Variants in FAM133B observed in about 807,000 individuals in gnomAD.
The protein encoded by FAM133B is protein FAM133B.
FAM133B carries 25 observed loss-of-function variants against 46.4 expected under a neutral mutation model. The observed-to-expected ratio is 0.54, with a 90% CI of 0.39 to 0.75. FAM133B has a LOEUF of 0.75. Among genes scored for constraint, FAM133B ranks in the 30% least tolerant of loss-of-function variants. The pLI is 0.00. For synonymous variants in FAM133B, 75 were observed against 86.0 expected (o/e 0.87, Z 0.71); for missense variants, 205 against 277.6 (o/e 0.74, Z 1.86).
chr7:92,570,234 T>C (rs17687688), intron 8 of FAM133B, among the ~76,000 whole-genome samples: 3,779 of 152,228 alleles, frequency 0.025, 68 homozygotes, highest in Non-Finnish European at 0.041. Flanking sequence ...CTAATTCTTT[T>C]GTTTCTACCC....
chr7:92,572,587 C>T (rs1040382795), intron 8 of FAM133B, among the ~76,000 whole-genome samples: 1 of 152,090 alleles, frequency 6.6e-6, no homozygotes, highest in Non-Finnish European at 1.5e-5. Flanking sequence ...GGCGTGGTGG[C>T]GCATGCCTGT....
chr7:92,567,919 A>G (rs1320853976), intron 9 of FAM133B, among the ~76,000 whole-genome samples: 1 of 151,608 alleles, frequency 6.6e-6, no homozygotes, highest in Non-Finnish European at 1.5e-5. Context: ...CTGTGCCACC[A>G]TGTCTGGCTA....
intron 1 of FAM133B, among the ~76,000 whole-genome samples, chr7:92,585,835 A>T (rs1011172217): frequency 3.9e-5 from 6 of 152,240 alleles, no homozygotes; most frequent in African/African-American, 1.4e-4. Flanking sequence ...CTGCGTAAAC[A>T]TTATTATAGT....
At chr7:92,582,227 C>T (rs1794900866) in intron 1 of FAM133B, among the ~76,000 whole-genome samples, 2 of 148,420 alleles carry the variant, frequency 1.3e-5, no homozygotes, top group Admixed American at 6.7e-5. Context: ...CCAGCCTGGG[C>T]GACAGAGCGA....
intron 9 of FAM133B, among the ~76,000 whole-genome samples, chr7:92,569,047 C>T (rs1297246557): frequency 6.6e-6 from 1 of 152,078 alleles, no homozygotes; most frequent in Non-Finnish European, 1.5e-5. Context: ...TAGAGCTGGG[C>T]AGGACTGATA....
At chr7:92,566,564 C>A (rs931520725) in intron 9 of FAM133B, among the ~76,000 whole-genome samples, 1 of 152,200 alleles carries the variant, frequency 6.6e-6, no homozygotes, top group African/African-American at 2.4e-5. Context: ...ATCACTTGAG[C>A]CCAGGAGGTT....
rs1794184094 is a variant in FAM133B, at chr7:92,562,341, T to G, written c.685A>C (p.Lys229Gln). The G allele has an allele frequency of 6.5e-7, 1 of 1,534,310 alleles. No individual in the cohort carries two copies. The highest frequency in any genetic ancestry group is 1.4e-5 in the African/African-American group (1 of 72,802). ...TTTTTCTTCTTCTTACTGTGTTTCT[T>G]ATGCTTCTTTTTCTTTTTTGTTTTT... ...TEKTKKKKKH[K>Q]KHSKKKKKKA... Residue 229 changes from lysine to glutamine, a missense_variant, in exon 11 of 11, where the codon AAG becomes CAG. Physicochemically the swap from Lys to Gln is moderately conservative, Grantham distance 53. Coordinates refer to ENST00000445716, the MANE Select transcript of FAM133B (RefSeq NM_152789.4).
At chr7:92,576,418 T>C (rs1794697959) in intron 7 of FAM133B, among the ~76,000 whole-genome samples, 1 of 149,796 alleles carries the variant, frequency 6.7e-6, no homozygotes, top group Non-Finnish European at 1.5e-5. Context: ...GAGTACTTTC[T>C]AGATGCTAGG....
Position 92,574,861 on chromosome 7 carries a change from C to T in FAM133B, c.516+910G>A, listed in dbSNP as rs1401962052. On this transcript the variant is annotated intron_variant, in intron 8 of 10. Transcript: ENST00000445716. Reference sequence around the variant, plus strand: ...CGGAGCTTGCAGTGAGCCGAGATTGCGCCACTGCAGTCCGCAGTCCGGCCT... The same window carrying T: ...CGGAGCTTGCAGTGAGCCGAGATTGTGCCACTGCAGTCCGCAGTCCGGCCT... Among the ~76,000 whole-genome samples, 19 of 150,872 alleles carry T rather than the reference C, an allele frequency of 1.3e-4. 1 individual carries two copies. Among genetic ancestry groups the T allele is most frequent in the African/African-American group, 4.4e-4 (18 of 40,990 alleles).
intron 6 of FAM133B, 128 bp downstream of exon 6, chr7:92,577,527 C>CT: frequency 1.4e-6 from 1 of 689,918 alleles, no homozygotes; most frequent in Non-Finnish European, 2.3e-6. Context: ...TGTTAGTCCT[C>CT]TAAGTTATGG....
intron 8 of FAM133B, 55 bp downstream of exon 8, chr7:92,575,716 G>A: frequency 2.4e-6 from 2 of 830,506 alleles, no homozygotes; most frequent in Middle Eastern, 7.1e-4. Context: ...TGTTATTTAA[G>A]TCAATTAAGT....
At chr7:92,590,213 C>T (rs991129809) in intron 1 of FAM133B, 55 bp downstream of exon 1, 2 of 1,613,190 alleles carry the variant, frequency 1.2e-6, no homozygotes, top group African/African-American at 1.3e-5. Context: ...AGGGTTCTCG[C>T]TGTCCTGCCG....
intron 1 of FAM133B, among the ~76,000 whole-genome samples, chr7:92,589,641 A>G (rs537941993): frequency 1.1e-4 from 16 of 152,316 alleles, no homozygotes; most frequent in Non-Finnish European, 2.2e-4. Context: ...GTTGGACTCG[A>G]AAGCCAACTA....
chr7:92,583,659 T>C (rs1284236815), intron 1 of FAM133B, among the ~76,000 whole-genome samples: 1 of 152,178 alleles, frequency 6.6e-6, no homozygotes, highest in Non-Finnish European at 1.5e-5. Flanking sequence ...GCTACTGATA[T>C]AAAGTCTGGT....
At chr7:92,589,187 T>C (rs1176569016) in intron 1 of FAM133B, among the ~76,000 whole-genome samples, 1 of 152,196 alleles carries the variant, frequency 6.6e-6, no homozygotes, top group Non-Finnish European at 1.5e-5. Context: ...GGCTAAAACT[T>C]TGTCACAGGC....
chr7:92,584,410 T>C (rs974011537), intron 1 of FAM133B, among the ~76,000 whole-genome samples: 4 of 152,212 alleles, frequency 2.6e-5, no homozygotes, highest in Non-Finnish European at 5.9e-5. Context: ...AAAAGTTATA[T>C]ACTTCCAGAT....
chr7:92,583,787 G>T (rs997743842), intron 1 of FAM133B, among the ~76,000 whole-genome samples: 2 of 151,746 alleles, frequency 1.3e-5, no homozygotes, highest in African/African-American at 4.8e-5. Context: ...GGTGGCTCAC[G>T]CCTGTAATCC....
chr7:92,570,334 T>C (rs1312587710), intron 8 of FAM133B, among the ~76,000 whole-genome samples: 2 of 152,100 alleles, frequency 1.3e-5, no homozygotes, highest in Non-Finnish European at 2.9e-5. Flanking sequence ...ATGTAGTAAT[T>C]CCTTTAGCGC....
intron 8 of FAM133B, among the ~76,000 whole-genome samples, chr7:92,575,367 G>A (rs1049353965): frequency 6.6e-6 from 1 of 152,130 alleles, no homozygotes; most frequent in African/African-American, 2.4e-5. Flanking sequence ...CCAGCTACAG[G>A]GAGGCTGAGG....
Sources: gnomAD v4.1 joint callset for allele counts (sites outside exome capture counted in the v4.1 genomes callset) on GRCh38, gnomAD v4.1.1 for gene constraint, MANE v1.5 for transcripts, NCBI Gene and HGNC (gene_info 2026-07-23, HGNC 2026-07-21) for gene names.